WDR25: variants seen among roughly 807,000 people sequenced by gnomAD.
The protein encoded by WDR25 is WD repeat-containing protein 25.
In WDR25, 35 loss-of-function variants were observed where a neutral mutation model predicts 47.7. The observed-to-expected ratio is 0.73, with a 90% confidence interval of 0.56 to 0.97. The LOEUF is 0.97. WDR25 is among the 50% of genes least tolerant of loss of function. The pLI, the probability that WDR25 is intolerant of heterozygous loss-of-function variation, is 0.00. For synonymous variants in WDR25, 248 were observed against 278.9 expected (o/e 0.89, Z 1.10); for missense variants, 634 against 704.7 (o/e 0.90, Z 1.14).
chr14:100,525,925 G>A lies in WDR25; in HGVS notation c.1157G>A (p.Arg386Gln), dbSNP rs148159362. ...IQQTLDILFL[R>Q]EGSEFLSSTD... ...CAGACCTTGGACATCCTGTTCCTCCGGGAAGGCTCCGAGTTCCTGAGCAGC... is the reference window on the plus strand; with the variant it reads ...CAGACCTTGGACATCCTGTTCCTCCAGGAAGGCTCCGAGTTCCTGAGCAGC... The change falls in exon 5 of 7, where the codon CGG (arginine) becomes CAG (glutamine). Residue 386 changes from arginine to glutamine, a missense_variant. Physicochemically the swap from Arg to Gln is conservative, Grantham distance 43. Transcript: ENST00000402312. This position sits in a 1 kb window ranked among gnomAD's most constrained non-coding sequence, Gnocchi z 4.6. 1.5e-5 allele frequency: 25 copies of A among 1,613,930 alleles called. No individual in the cohort carries two copies. The highest frequency in any genetic ancestry group is 5.3e-5 in the African/African-American group (4 of 75,014).
Position 100,381,195 on chromosome 14 carries a change from TG to T in WDR25, c.272del (p.Cys91SerfsTer47). 2 of 1,614,108 alleles carry T rather than the reference TG, an allele frequency of 1.2e-6. No individual in the cohort carries two copies. The highest frequency in any genetic ancestry group is 1.7e-6 in the Non-Finnish European group (2 of 1,180,018). On this transcript the variant is annotated frameshift_variant, in exon 2 of 7. Coordinates refer to ENST00000402312, the MANE Select transcript of WDR25 (RefSeq NM_001161476.3). LOFTEE classifies it high-confidence loss of function. ...GCTTGGGAGAAGCGATTGGGGATCT[TG>T]CCCCAGCCAGAGGCTACAGTGGCCC... Reference protein sequence around the residue: ...AQLGRSDWGSCPSQRLQWPGK... With the variant: ...AQLGRSDWGSXPSQRLQWPGK...
chr14:100,426,948 ATC>A (rs1474679304), intron 2 of WDR25, among the ~76,000 whole-genome samples: 2 of 152,092 alleles, frequency 1.3e-5, no homozygotes, highest in South Asian at 2.1e-4. Flanking sequence ...AGCTAGTGAA[ATC>A]TCAGGCAGAG....
chr14:100,402,226 T>G (rs2140173194), intron 2 of WDR25, among the ~76,000 whole-genome samples: 1 of 152,322 alleles, frequency 6.6e-6, no homozygotes, highest in African/African-American at 2.4e-5. Context: ...TAGTGACATC[T>G]TCTCTCCTGA....
intron 2 of WDR25, among the ~76,000 whole-genome samples, chr14:100,386,811 T>A (rs575558389): frequency 6.6e-6 from 1 of 152,150 alleles, no homozygotes; most frequent in East Asian, 1.9e-4. Context: ...GAGAATGGCA[T>A]GAACCCAGGA....
chr14:100,420,685 A>C (rs1898001217), intron 2 of WDR25, among the ~76,000 whole-genome samples: 2 of 152,226 alleles, frequency 1.3e-5, no homozygotes, highest in African/African-American at 4.8e-5. Flanking sequence ...AGAAAAAGGA[A>C]AATAAAGATG....
chr14:100,391,355 G>T (rs988375857), intron 2 of WDR25, among the ~76,000 whole-genome samples: 1 of 152,136 alleles, frequency 6.6e-6, no homozygotes, highest in Non-Finnish European at 1.5e-5. Context: ...GCCAGGGATC[G>T]ATGGGCATAT....
rs1300313417 is a variant in WDR25 at position 100,420,929 on chromosome 14, G to C, written c.822+39183G>C. Among the ~76,000 whole-genome samples, 8 of 152,308 alleles carry C rather than the reference G, an allele frequency of 5.3e-5. No individual in the cohort carries two copies. The South Asian group carries it at 1.0e-3, about 20-fold the overall frequency. On this transcript the variant is annotated intron_variant, in intron 2 of 6. Coordinates refer to ENST00000402312, the MANE Select transcript of WDR25 (RefSeq NM_001161476.3). ...ACTGTCCTGGATGTTGCTGGCCTTT[G>C]TCTATGCTATGCTTTCCTCATCTCA...
intron 4 of WDR25, among the ~76,000 whole-genome samples, chr14:100,493,789 A>G (rs978242849): frequency 6.6e-6 from 1 of 152,152 alleles, no homozygotes; most frequent in African/African-American, 2.4e-5. Context: ...TAATGTGATG[A>G]TATTAGGAGG....
chr14:100,429,286 G>A (rs561647585), intron 2 of WDR25, among the ~76,000 whole-genome samples: 8 of 152,206 alleles, frequency 5.3e-5, no homozygotes, highest in Admixed American at 1.3e-4. Context: ...CCAGCCTGCC[G>A]TGGGGAGGTG....
intron 4 of WDR25, among the ~76,000 whole-genome samples, chr14:100,509,273 T>C (rs533158151): frequency 6.6e-6 from 1 of 152,328 alleles, no homozygotes; most frequent in South Asian, 2.1e-4. Flanking sequence ...CATTCAGGTG[T>C]CCTATTTCTC....
chr14:100,422,655 CTGAG>C (rs891852866), intron 2 of WDR25, among the ~76,000 whole-genome samples: 1 of 152,256 alleles, frequency 6.6e-6, no homozygotes, highest in Non-Finnish European at 1.5e-5. Flanking sequence ...GCTTCCCCTC[CTGAG>C]TATTTGTTCC....
chr14:100,496,178 T>C (rs144699943), intron 4 of WDR25, among the ~76,000 whole-genome samples: 2 of 152,384 alleles, frequency 1.3e-5, no homozygotes, highest in East Asian at 3.9e-4. Flanking sequence ...GTTTGATCTC[T>C]TTGAGGTTTG....
At chr14:100,387,636 A>G (rs1897048660) in intron 2 of WDR25, among the ~76,000 whole-genome samples, 2 of 152,214 alleles carry the variant, frequency 1.3e-5, no homozygotes, top group South Asian at 2.1e-4. Context: ...CATTTTACAG[A>G]TGAGGAAATT....
Position 100,468,511 on chromosome 14 carries a change from G to C in WDR25, c.970+343G>C, listed in dbSNP as rs921976374. ...ACTTTATCATTGTGTCCTTTGGTTG[G>C]AATCAGGTTAGAATTCCTGTCAATT... is the stretch of plus-strand genomic sequence containing the variant. On this transcript the variant is annotated intron_variant, in intron 3 of 6. Transcript: ENST00000402312. The surrounding 1 kb of genome is among the most constrained non-coding windows in gnomAD (Gnocchi z 4.5). 6.6e-6 allele frequency among the ~76,000 whole-genome samples: 1 copy of C among 152,192 alleles called. No homozygotes were observed. Among genetic ancestry groups the C allele is most frequent in the Non-Finnish European group, 1.5e-5 (1 of 68,036 alleles).
At chr14:100,485,947 TA>T (rs559903689) in intron 4 of WDR25, among the ~76,000 whole-genome samples, 1,767 of 151,022 alleles carry the variant, frequency 0.012, 29 homozygotes, top group African/African-American at 0.04. Context: ...ATGTAGTCTT[TA>T]AAAAAAAATC....
chr14:100,411,942 C>A (rs1310708378), intron 2 of WDR25, among the ~76,000 whole-genome samples: 1 of 152,190 alleles, frequency 6.6e-6, no homozygotes, highest in Non-Finnish European at 1.5e-5. Context: ...AATGTTGAAA[C>A]CTCAGCTAGC....
At chr14:100,497,175 A>G (rs1291491685) in intron 4 of WDR25, among the ~76,000 whole-genome samples, 6 of 152,158 alleles carry the variant, frequency 3.9e-5, no homozygotes, top group Non-Finnish European at 8.8e-5. Context: ...TGCAGTGTTG[A>G]ATGTTCCATA....
rs541375428 is a variant in WDR25, at chr14:100,418,153, A to T, written c.822+36407A>T. Among the ~76,000 whole-genome samples, 10 of 147,266 alleles carry T rather than the reference A, an allele frequency of 6.8e-5. No individual in the cohort carries two copies. In the East Asian group the frequency reaches 2.1e-3, roughly 31 times the overall value. On this transcript the variant is annotated intron_variant, in intron 2 of 6. Coordinates refer to ENST00000402312, the MANE Select transcript of WDR25 (RefSeq NM_001161476.3). ...GATGTGGTTTCACCATGTTGATCAG[A>T]CTGGTTTCGAACTCCTGACCTCGTG...
At chr14:100,377,707 A>G (rs1309999645) in intron 1 of WDR25, among the ~76,000 whole-genome samples, 5 of 152,160 alleles carry the variant, frequency 3.3e-5, no homozygotes, top group Non-Finnish European at 7.3e-5. Flanking sequence ...GACTACAGAC[A>G]TTTATGGAAT....
Sources: allele counts gnomAD v4.1 joint callset (sites outside exome capture counted in the v4.1 genomes callset), GRCh38; gene constraint gnomAD v4.1.1; non-coding constraint Gnocchi (gnomAD v3.1); transcripts MANE v1.5; gene names NCBI Gene and HGNC (gene_info 2026-07-23, HGNC 2026-07-21).